The following SMYD3 variants were observed in gnomAD, a reference collection of about 807,000 sequenced individuals.
The protein encoded by SMYD3 is SET and MYND domain containing 3, also known as histone-lysine N-methyltransferase SMYD3.
Under a neutral mutation model 57.7 loss-of-function variants are expected in SMYD3, and 36 were observed. That is an observed-to-expected ratio of 0.62 (90% CI 0.48 to 0.82). The LOEUF (loss-of-function observed/expected upper bound fraction) is 0.82, where lower values mean the gene tolerates loss of function less well. SMYD3 is among the 40% of genes least tolerant of loss of function. The pLI is 0.00. For synonymous variants in SMYD3, 211 were observed against 195.0 expected (o/e 1.08, Z -0.68); for missense variants, 515 against 538.8 (o/e 0.96, Z 0.44).
At chr1:245,888,552 A>G (rs1252548472) in intron 8 of SMYD3, among the ~76,000 whole-genome samples, 1 of 152,124 alleles carries the variant, frequency 6.6e-6, no homozygotes, top group Admixed American at 6.5e-5. Flanking sequence ...GTCCAGCGTC[A>G]CTCTATTTGT....
At chr1:246,472,082 C>A (rs75215710) in intron 1 of SMYD3, among the ~76,000 whole-genome samples, 8 of 151,698 alleles carry the variant, frequency 5.3e-5, no homozygotes, top group Non-Finnish European at 7.4e-5. Flanking sequence ...TGAAAAAAAA[C>A]AAAAAAAAGG....
At chr1:245,916,166 AG>A (rs59675915) in intron 7 of SMYD3, among the ~76,000 whole-genome samples, 3 of 152,034 alleles carry the variant, frequency 2.0e-5, no homozygotes, top group African/African-American at 7.2e-5. Flanking sequence ...TGGAAAAAAA[AG>A]GGGGGGTAGA....
chr1:246,273,162 G>T (rs774733048), intron 5 of SMYD3, among the ~76,000 whole-genome samples: 4,199 of 43,956 alleles, frequency 0.096, 67 homozygotes, highest in African/African-American at 0.13. Context: ...TCTTTTTTTT[G>T]GGGGGGGGAC....
At chr1:245,774,722 C>G (rs1390177597) in intron 10 of SMYD3, among the ~76,000 whole-genome samples, 3 of 148,548 alleles carry the variant, frequency 2.0e-5, no homozygotes, top group Non-Finnish European at 3.0e-5. Context: ...CCCTCTCCCT[C>G]TCTTTCCACG....
At chr1:245,756,998 A>T (rs2045634285) in intron 11 of SMYD3, among the ~76,000 whole-genome samples, 1 of 152,054 alleles carries the variant, frequency 6.6e-6, no homozygotes, top group African/African-American at 2.4e-5. Flanking sequence ...AAACACTAAT[A>T]GTTACCATTT....
At chr1:245,980,292 C>T (rs140494128) in intron 5 of SMYD3, among the ~76,000 whole-genome samples, 2 of 152,320 alleles carry the variant, frequency 1.3e-5, no homozygotes, top group African/African-American at 2.4e-5. Flanking sequence ...ACATGTGTGG[C>T]AGGTAGTCAG....
chr1:246,322,783 A>C (rs4556326), intron 5 of SMYD3, among the ~76,000 whole-genome samples: 70,262 of 152,052 alleles, frequency 0.46, 17,226 homozygotes, highest in East Asian at 0.82. Context: ...TCTCCATCCA[A>C]CAGATTATCA....
chr1:245,959,039 T>A (rs2057929778), intron 5 of SMYD3, among the ~76,000 whole-genome samples: 1 of 152,068 alleles, frequency 6.6e-6, no homozygotes, highest in African/African-American at 2.4e-5. Flanking sequence ...TCCCAAGTAG[T>A]TGGGATTATA....
At chr1:246,172,269 C>T (rs1443239707) in intron 5 of SMYD3, among the ~76,000 whole-genome samples, 3 of 151,620 alleles carry the variant, frequency 2.0e-5, no homozygotes, top group Non-Finnish European at 2.9e-5. Context: ...GCCTAGAACA[C>T]TCACTGTTCT....
At chr1:245,914,536 C>T (rs553831019) in intron 8 of SMYD3, among the ~76,000 whole-genome samples, 91 of 152,182 alleles carry the variant, frequency 6.0e-4, no homozygotes, top group African/African-American at 1.9e-3. Context: ...TAAAATACTC[C>T]GTGTTCTCAC....
intron 5 of SMYD3, among the ~76,000 whole-genome samples, chr1:246,106,296 T>C (rs903903676): frequency 1.3e-5 from 2 of 152,206 alleles, no homozygotes; most frequent in African/African-American, 4.8e-5. Context: ...CCTGAGGTTA[T>C]AAGCATACAA....
At chr1:245,994,782 T>C (rs1346064130) in intron 5 of SMYD3, among the ~76,000 whole-genome samples, 1 of 150,860 alleles carries the variant, frequency 6.6e-6, no homozygotes, top group East Asian at 1.9e-4. Flanking sequence ...ACTGAGAAAG[T>C]AAGAGATGAA....
chr1:245,793,179 G>T (rs946751079), intron 10 of SMYD3, among the ~76,000 whole-genome samples: 6 of 150,468 alleles, frequency 4.0e-5, no homozygotes, highest in South Asian at 2.1e-4. Context: ...CATGGTGGCG[G>T]GTGCCTGTAG....
chr1:246,023,254 T>C (rs765122436), intron 5 of SMYD3, among the ~76,000 whole-genome samples: 6 of 152,222 alleles, frequency 3.9e-5, no homozygotes, highest in Admixed American at 1.3e-4. Flanking sequence ...AGAGATGATA[T>C]GCTGAAGGCA....
intron 10 of SMYD3, among the ~76,000 whole-genome samples, chr1:245,821,276 G>GA (rs1411479131): frequency 3.8e-4 from 2 of 5,270 alleles, no homozygotes; most frequent in African/African-American, 4.2e-4. Flanking sequence ...TGACAAACCT[G>GA]ACAAAAGAAG....
At chr1:246,100,592 A>G (rs576892766) in intron 5 of SMYD3, among the ~76,000 whole-genome samples, 1 of 152,356 alleles carries the variant, frequency 6.6e-6, no homozygotes, top group East Asian at 1.9e-4. Context: ...TTCTGGTTCC[A>G]AGTCCAAGCT....
At chr1:245,904,005 C>T (rs976756469) in intron 8 of SMYD3, among the ~76,000 whole-genome samples, 2 of 152,206 alleles carry the variant, frequency 1.3e-5, no homozygotes, top group African/African-American at 4.8e-5. Context: ...CTGTAGCCAG[C>T]TTGAATTTCT....
At chr1:246,297,107 G>C (rs935969880) in intron 5 of SMYD3, among the ~76,000 whole-genome samples, 1 of 152,116 alleles carries the variant, frequency 6.6e-6, no homozygotes, top group Non-Finnish European at 1.5e-5. Flanking sequence ...CTCTGACACA[G>C]AGACAAAAAT....
chr1:246,298,784 G>T (rs2148609333), intron 5 of SMYD3, among the ~76,000 whole-genome samples: 1 of 152,048 alleles, frequency 6.6e-6, no homozygotes, highest in South Asian at 2.1e-4. Flanking sequence ...AACTGTCATG[G>T]CCTTAAAAAT....
Sources: allele counts gnomAD v4.1 joint callset (sites outside exome capture counted in the v4.1 genomes callset), GRCh38; gene constraint gnomAD v4.1.1; transcripts MANE v1.5; gene names NCBI Gene and HGNC (gene_info 2026-07-23, HGNC 2026-07-21).